Variants in CTTN observed in about 807,000 individuals in gnomAD.
CTTN encodes the protein src substrate cortactin.
In CTTN, 28 loss-of-function variants were observed where a neutral mutation model predicts 84.0. The observed-to-expected ratio is 0.33, with a 90% CI of 0.25 to 0.46. The LOEUF is 0.46. Ranked by LOEUF, CTTN falls within the 20% of genes least tolerant of loss-of-function variation. CTTN has a pLI of 1.00. For missense variants in CTTN, 641 were observed against 723.8 expected (o/e 0.89, Z 1.31); for synonymous variants, 301 against 288.8 (o/e 1.04, Z -0.43).
intron 17 of CTTN, among the ~76,000 whole-genome samples, chr11:70,434,219 T>C (rs1268450407): frequency 1.3e-5 from 2 of 152,216 alleles, no homozygotes; most frequent in African/African-American, 2.4e-5. Flanking sequence ...CCGCCCCGTG[T>C]TCCCTCAGGG....
intron 17 of CTTN, 132 bp from the exon 18 acceptor site, chr11:70,434,894 G>T (rs1006080286): frequency 6.5e-6 from 6 of 928,614 alleles, no homozygotes; most frequent in South Asian, 4.1e-5. Context: ...AGGAGCCTCC[G>T]CGGTGGTCCG....
intron 12 of CTTN, 133 bp downstream of exon 12, chr11:70,423,128 T>C (rs542799833): frequency 3.7e-5 from 40 of 1,070,626 alleles, no homozygotes; most frequent in East Asian, 2.6e-4. Flanking sequence ...GTGGTGGTGG[T>C]GGCGATGACT....
At chr11:70,413,329 G>T (rs576892630) in intron 5 of CTTN, among the ~76,000 whole-genome samples, 1 of 152,204 alleles carries the variant, frequency 6.6e-6, no homozygotes, top group Non-Finnish European at 1.5e-5. Context: ...CCATGTGCCC[G>T]CACTGTCTGT....
At chr11:70,415,901 G>T in intron 7 of CTTN, 184 bp downstream of exon 7, 1 of 622,470 alleles carries the variant, frequency 1.6e-6, no homozygotes, top group Non-Finnish European at 2.9e-6. Flanking sequence ...TCATGTTTCT[G>T]GATCATCTGG....
At chr11:70,401,324 A>C (rs2057976499) in intron 1 of CTTN, among the ~76,000 whole-genome samples, 1 of 152,006 alleles carries the variant, frequency 6.6e-6, no homozygotes, top group Admixed American at 6.6e-5. Context: ...AAAATACAAA[A>C]AATTAGCCGG....
At chr11:70,410,845 C>T (rs2058089448) in intron 5 of CTTN, among the ~76,000 whole-genome samples, 1 of 152,156 alleles carries the variant, frequency 6.6e-6, no homozygotes, top group African/African-American at 2.4e-5. Flanking sequence ...CCTCTCCCAC[C>T]TCATGCACCA....
Position 70,417,255 on chromosome 11 carries a change from A to C in CTTN, c.568+132A>C. The C allele has an allele frequency of 4.4e-6, 3 of 689,402 alleles. No individual in the cohort carries two copies. In the South Asian group the frequency reaches 5.1e-5, roughly 12 times the overall value. The allele number at this position is 689,402 out of a possible 1,614,324, so 42.7% of individuals were successfully genotyped here. On this transcript the variant is annotated intron_variant, in intron 8 of 17. Coordinates refer to ENST00000301843, the MANE Select transcript of CTTN (RefSeq NM_005231.4). ...TTTGGTGTTCTTTTCGTACCAGTGT[A>C]TGTGGGCTTTTCCTAATTCGAATGG...
At chr11:70,409,244 A>G (rs1206823222) in intron 4 of CTTN, among the ~76,000 whole-genome samples, 2 of 152,112 alleles carry the variant, frequency 1.3e-5, no homozygotes, top group Admixed American at 1.3e-4. Flanking sequence ...GGGTCTCTCA[A>G]TGACAGCTGT....
Position 70,435,036 on chromosome 11 carries a change from T to C in CTTN, c.1527T>C (p.Asp509=). ...ALYDYQAAGD[D]EISFDPDDII... is the part of the protein sequence containing the mutation. The stretch of plus-strand genomic sequence containing the variant: ...TGTTCTCTTCCCCAGCGGGCGATGA[T>C]GAGATCTCATTTGACCCTGATGACA... Residue 509 remains aspartate, a synonymous_variant, in exon 18 of 18, where the codon GAT becomes GAC. Coordinates refer to ENST00000301843, the MANE Select transcript of CTTN (RefSeq NM_005231.4). 1 of 1,613,822 alleles carries C rather than the reference T, an allele frequency of 6.2e-7. No homozygotes were observed. The highest frequency in any genetic ancestry group is 8.5e-7 in the Non-Finnish European group (1 of 1,179,840).
rs2058256081 is a variant in CTTN, at chr11:70,422,941, C to G, written c.903C>G (p.Asp301Glu). ...EKLAKHESQQDYSKGFGGKYG... is the reference protein window; with the variant it reads ...EKLAKHESQQEYSKGFGGKYG... ...GTGTTGTGTTTTGCCACGTTTCAGA[C>G]TACTCCAAAGGATTCGGCGGGAAGT... The change falls in exon 12 of 18, where the codon GAC becomes GAG. Residue 301 changes from aspartate to glutamate, a missense_variant and splice_region_variant. Physicochemically the swap from Asp to Glu is conservative, Grantham distance 45 (BLOSUM62 2). This residue lies in a region of CTTN where 289 missense variants were observed against 273.1 expected (regional missense o/e 1.06). Coordinates refer to ENST00000301843, the MANE Select transcript of CTTN (RefSeq NM_005231.4). 3.1e-6 allele frequency: 5 copies of G among 1,614,176 alleles called. No individual in the cohort carries two copies. The East Asian group carries it at 6.7e-5, about 22-fold the overall frequency.
At chr11:70,403,309 C>CTCCCAAGCT (rs1219038424) in intron 1 of CTTN, among the ~76,000 whole-genome samples, 4 of 151,638 alleles carry the variant, frequency 2.6e-5, no homozygotes, top group Non-Finnish European at 5.9e-5. Context: ...CTGCTTCAGC[C>CTCCCAAGCT]TCCCAAGTAG....
intron 4 of CTTN, chr11:70,407,985 T>C: frequency 5.5e-6 from 1 of 181,496 alleles, no homozygotes; most frequent in Non-Finnish European, 1.2e-5. Context: ...GCCCTGTCCC[T>C]TTTTTTATTA....
chr11:70,420,561 T>A (rs1436509530), intron 10 of CTTN, 51 bp downstream of exon 10: 1 of 1,355,408 alleles, frequency 7.4e-7, no homozygotes, highest in Non-Finnish European at 1.1e-6. Context: ...TTGTTTTTGT[T>A]CCTTGCGGGG....
chr11:70,434,910 C>T, intron 17 of CTTN, 116 bp from the exon 18 acceptor site: 1 of 1,121,956 alleles, frequency 8.9e-7, no homozygotes, highest in Non-Finnish European at 1.3e-6. Context: ...GTCCGCATCT[C>T]TGCAGGGGGC....
Position 70,407,899 on chromosome 11 carries a change from C to T in CTTN, c.161+308C>T, listed in dbSNP as rs1158098135. ...CAGTATTGTGGCTTTTATCAGGGAACATTTGTCCCTAAGCTCTACCTTACA... is the reference window on the plus strand; with the variant it reads ...CAGTATTGTGGCTTTTATCAGGGAATATTTGTCCCTAAGCTCTACCTTACA... On this transcript the variant is annotated intron_variant, in intron 4 of 17. Coordinates refer to ENST00000301843, the MANE Select transcript of CTTN (RefSeq NM_005231.4). The T allele has an allele frequency of 8.9e-6, 3 of 337,386 alleles. No individual in the cohort carries two copies. In the East Asian group the frequency reaches 1.6e-4, roughly 18 times the overall value. The allele number at this position is 337,386 out of a possible 1,614,324, so 20.9% of individuals were successfully genotyped here.
Position 70,435,767 on chromosome 11 carries a change from GT to G in CTTN, c.*612del. 1.3e-6 allele frequency: 2 copies of G among 1,595,124 alleles called. No homozygotes were observed. The highest frequency in any genetic ancestry group is 1.9e-4 in the Middle Eastern group (1 of 5,372). On this transcript the variant is annotated 3_prime_UTR_variant, in exon 18 of 18. Coordinates refer to ENST00000301843, the MANE Select transcript of CTTN (RefSeq NM_005231.4). ...CAGGTGACTTCTAGCAGAGACCCTG[GT>G]TTTTTTCCTGTGCCCACTCCGGCTT...
chr11:70,420,527 T>C lies in CTTN; in HGVS notation c.790+17T>C. The C allele has an allele frequency of 6.4e-7, 1 of 1,574,302 alleles. No homozygotes were observed. Among genetic ancestry groups the C allele is most frequent in the Non-Finnish European group, 8.7e-7 (1 of 1,143,684 alleles). On this transcript the variant is annotated intron_variant, in intron 10 of 17. Transcript: ENST00000301843. ...CCCAAAAAGGTACATTCACTCTGCC[T>C]GTATGCGAGATGGTTTTAGAAGTTT... is the stretch of plus-strand genomic sequence containing the variant.
chr11:70,435,652 A>G lies in CTTN; in HGVS notation c.*490A>G. 2 of 1,596,422 alleles carry G rather than the reference A, an allele frequency of 1.3e-6. No individual in the cohort carries two copies. Among genetic ancestry groups the G allele is most frequent in the Non-Finnish European group, 1.7e-6 (2 of 1,178,994 alleles). ...GGAGGAGAGGACTGGGCCTGATGGAAGTTAACCCGGAGCTAAGTCACCCAG... is the reference window on the plus strand; with the variant it reads ...GGAGGAGAGGACTGGGCCTGATGGAGGTTAACCCGGAGCTAAGTCACCCAG... On this transcript the variant is annotated 3_prime_UTR_variant, in exon 18 of 18. Coordinates refer to ENST00000301843, the MANE Select transcript of CTTN (RefSeq NM_005231.4).
chr11:70,402,217 C>T (rs182073693), intron 1 of CTTN, among the ~76,000 whole-genome samples: 3 of 152,296 alleles, frequency 2.0e-5, no homozygotes, highest in Middle Eastern at 3.4e-3. Context: ...GATTACTTCA[C>T]GTTTGTGCAA....
Sources: gnomAD v4.1 joint callset for allele counts (sites outside exome capture counted in the v4.1 genomes callset) on GRCh38, gnomAD v4.1.1 for gene constraint, gnomAD v4.1.1 regional missense constraint, MANE v1.5 for transcripts, NCBI Gene and HGNC (gene_info 2026-07-23, HGNC 2026-07-21) for gene names.